Variants in DLC1 observed in about 807,000 individuals in gnomAD.
DLC1 encodes rho GTPase-activating protein 7.
DLC1 carries 54 observed loss-of-function variants against 140.3 expected under a neutral mutation model. The ratio of observed to expected loss-of-function variants is 0.38; its 90% CI spans 0.31 to 0.48. DLC1 has a LOEUF of 0.48. DLC1 is among the 20% of genes least tolerant of loss of function. The pLI, the probability that DLC1 is intolerant of heterozygous loss-of-function variation, is 0.96. For synonymous variants in DLC1, 986 were observed against 728.1 expected, an observed-to-expected ratio of 1.35 and a Z score of -5.70; for missense variants, 2,536 against 1,907.0, an observed-to-expected ratio of 1.33 and a Z score of -6.14.
chr8:13,404,340 C>A (rs1191924474), intron 2 of DLC1, among the ~76,000 whole-genome samples: 1 of 152,102 alleles, frequency 6.6e-6, no homozygotes, highest in Non-Finnish European at 1.5e-5. Flanking sequence ...GAAGATGTTA[C>A]TGACTGCAGG....
chr8:13,234,745 G>T (rs186174873), intron 5 of DLC1, among the ~76,000 whole-genome samples: 48 of 152,080 alleles, frequency 3.2e-4, no homozygotes, highest in Non-Finnish European at 4.6e-4. Context: ...AAAATTTGAA[G>T]CCACATTAAA....
Position 13,476,581 on chromosome 8 carries a change from G to A in DLC1, c.1023+22468C>T, listed in dbSNP as rs554012016. 3.3e-5 allele frequency among the ~76,000 whole-genome samples: 5 copies of A among 151,960 alleles called. No individual in the cohort carries two copies. The South Asian group carries it at 6.3e-4, about 19-fold the overall frequency. On this transcript the variant is annotated intron_variant, in intron 2 of 17. Transcript: ENST00000276297. Reference sequence around the variant, plus strand: ...AACCAGGCAGGATGTGGAAACAACAGACTCAGACCAGAGTGGTCCAGACAA... The same window carrying A: ...AACCAGGCAGGATGTGGAAACAACAAACTCAGACCAGAGTGGTCCAGACAA...
intron 5 of DLC1, among the ~76,000 whole-genome samples, chr8:13,302,688 G>A (rs998946682): frequency 2.0e-5 from 3 of 148,724 alleles, no homozygotes; most frequent in African/African-American, 7.5e-5. Context: ...AAGAACAATA[G>A]GCTACATTGA....
intron 1 of DLC1, among the ~76,000 whole-genome samples, chr8:13,594,613 C>G (rs1029588930): frequency 2.0e-5 from 3 of 152,042 alleles, no homozygotes; most frequent in Non-Finnish European, 4.4e-5. Context: ...ATTTCTTTTC[C>G]TCCTAAACTT....
At chr8:13,585,626 C>T (rs1214588578) in intron 1 of DLC1, among the ~76,000 whole-genome samples, 1 of 152,142 alleles carries the variant, frequency 6.6e-6, no homozygotes, top group Non-Finnish European at 1.5e-5. Context: ...GAGGTATCAC[C>T]AGGGTTTGTT....
intron 1 of DLC1, among the ~76,000 whole-genome samples, chr8:13,500,960 C>G (rs544364545): frequency 1.3e-5 from 2 of 152,138 alleles, no homozygotes; most frequent in Non-Finnish European, 2.9e-5. Flanking sequence ...GAGATTCAAA[C>G]TTGGTCCTGC....
Position 13,504,610 on chromosome 8 carries a change from T to C in DLC1, c.-125-4414A>G, listed in dbSNP as rs1801971616. ...AACATAGGAGGTAAGCAAATGGTTC[T>C]AAATGTAATCGGAGAAAGAGAAAAA... On this transcript the variant is annotated intron_variant, in intron 1 of 17. Transcript: ENST00000276297. Among the ~76,000 whole-genome samples the C allele has an allele frequency of 2.0e-5, 3 of 152,172 alleles. No homozygotes were observed. The South Asian group carries it at 6.2e-4, about 31-fold the overall frequency.
At chr8:13,226,464 G>A (rs1311390878) in intron 5 of DLC1, among the ~76,000 whole-genome samples, 1 of 152,126 alleles carries the variant, frequency 6.6e-6, no homozygotes, top group African/African-American at 2.4e-5. Context: ...GGCTAAAATT[G>A]ACTTAGAAAG....
At chr8:13,269,846 G>A (rs1028545830) in intron 5 of DLC1, among the ~76,000 whole-genome samples, 2 of 150,994 alleles carry the variant, frequency 1.3e-5, no homozygotes, top group East Asian at 1.9e-4. Context: ...TCACGAGGTC[G>A]GGAGATCAAG....
chr8:13,331,950 G>A (rs993263402), intron 4 of DLC1, among the ~76,000 whole-genome samples: 2 of 152,116 alleles, frequency 1.3e-5, no homozygotes, highest in African/African-American at 4.8e-5. Flanking sequence ...AATGTGACCA[G>A]GGGACAATGT....
rs188975635 is a variant in DLC1 at position 13,404,851 on chromosome 8, T to A, written c.1024-3232A>T. Reference sequence around the variant, plus strand: ...CATCTCTGCTAAAAATATATTTTTTTAAAAAATAGACAGGCATGGTACTGG... The same window carrying A: ...CATCTCTGCTAAAAATATATTTTTTAAAAAAATAGACAGGCATGGTACTGG... On this transcript the variant is annotated intron_variant, in intron 2 of 17. Transcript: ENST00000276297. 3.0e-3 allele frequency among the ~76,000 whole-genome samples: 453 copies of A among 151,968 alleles called. 4 individuals are homozygous for A. The highest frequency in any genetic ancestry group is 0.01 in the African/African-American group (417 of 41,464).
intron 5 of DLC1, among the ~76,000 whole-genome samples, chr8:13,294,691 G>A (rs996515724): frequency 3.3e-5 from 5 of 151,784 alleles, no homozygotes; most frequent in South Asian, 2.1e-4. Context: ...GCCAGATTAC[G>A]GAAAAAATTT....
At chr8:13,101,771 C>T (rs528044246) in intron 8 of DLC1, among the ~76,000 whole-genome samples, 1 of 152,152 alleles carries the variant, frequency 6.6e-6, no homozygotes, top group African/African-American at 2.4e-5. Context: ...CCTGACAGCT[C>T]GCGGCATTCA....
chr8:13,085,883 T>G lies in DLC1; in HGVS notation c.4515A>C (p.Ala1505=), dbSNP rs774405595. 1.9e-6 allele frequency: 3 copies of G among 1,614,210 alleles called. No individual in the cohort carries two copies. Among genetic ancestry groups the G allele is most frequent in the Non-Finnish European group, 2.5e-6 (3 of 1,180,036 alleles). ...AATCCCGGATCTTTACAACTTCAGC[T>G]GCACACAAATGTCCAAAAGATTTTG... ...WYTKSFGHLC[A]AEVVKIRDSF... The change falls in exon 18 of 18, where the codon GCA becomes GCC. Residue 1505 remains alanine (A), a synonymous_variant. Coordinates refer to ENST00000276297, the MANE Select transcript of DLC1 (RefSeq NM_182643.3).
At chr8:13,381,144 G>T (rs1836233644) in intron 4 of DLC1, among the ~76,000 whole-genome samples, 1 of 152,134 alleles carries the variant, frequency 6.6e-6, no homozygotes, top group Non-Finnish European at 1.5e-5. Context: ...GGCTGTATTA[G>T]TATGAGCTAA....
chr8:13,233,837 A>G (rs17127416), intron 5 of DLC1, among the ~76,000 whole-genome samples: 3,936 of 152,308 alleles, frequency 0.026, 81 homozygotes, highest in African/African-American at 0.054. Flanking sequence ...TCACAAATCC[A>G]TAGGGCTAGA....
At chr8:13,134,236 A>G (rs1178409950) in intron 5 of DLC1, among the ~76,000 whole-genome samples, 1 of 152,218 alleles carries the variant, frequency 6.6e-6, no homozygotes, top group Admixed American at 6.5e-5. Flanking sequence ...GGATTCCATG[A>G]AAATTTACTT....
At chr8:13,506,141 C>A (rs1256721631) in intron 1 of DLC1, among the ~76,000 whole-genome samples, 1 of 151,748 alleles carries the variant, frequency 6.6e-6, no homozygotes, top group East Asian at 1.9e-4. Context: ...TTTGAGAATA[C>A]ATGTGATATA....
intron 4 of DLC1, among the ~76,000 whole-genome samples, chr8:13,346,889 C>T (rs1281718746): frequency 1.3e-5 from 2 of 152,230 alleles, no homozygotes; most frequent in African/African-American, 4.8e-5. Context: ...CATGGTTTCA[C>T]TTTCTCCGGT....
Sources: allele counts gnomAD v4.1 joint callset (sites outside exome capture counted in the v4.1 genomes callset), GRCh38; gene constraint gnomAD v4.1.1; transcripts MANE v1.5; gene names NCBI Gene and HGNC (gene_info 2026-07-23, HGNC 2026-07-21).